CDAN1: variants seen among roughly 807,000 people sequenced by gnomAD.
CDAN1 encodes the protein codanin 1, also known as codanin-1.
In CDAN1, 107 loss-of-function variants were observed where a neutral mutation model predicts 139.8. That is an observed-to-expected ratio of 0.77 (90% CI 0.65 to 0.90). The LOEUF (loss-of-function observed/expected upper bound fraction) is 0.90, where lower values mean the gene tolerates loss of function less well. CDAN1 is among the 40% of genes least tolerant of loss of function. CDAN1 has a pLI of 0.00. For missense variants in CDAN1, 1,667 were observed against 1,575.7 expected (o/e 1.06, Z -0.98); for synonymous variants, 776 against 660.6 (o/e 1.17, Z -2.68).
intron 21 of CDAN1, 30 bp downstream of exon 21, chr15:42,728,149 GTGCACCTCCCCACAACTGCCTGGCC>G: frequency 6.3e-7 from 1 of 1,599,704 alleles, no homozygotes; most frequent in Non-Finnish European, 8.6e-7. Context: ...AGACTACTCC[GTGCACCTCCCCACAACTGCCTGGCC>G]TGCTAGCTGC....
intron 14 of CDAN1, 65 bp downstream of exon 14, chr15:42,730,533 A>G (rs1595856990): frequency 1.3e-6 from 2 of 1,572,832 alleles, no homozygotes; most frequent in East Asian, 4.5e-5. Flanking sequence ...CTTTATTAAT[A>G]GCAGGCTTGA....
Position 42,736,783 on chromosome 15 carries a change from A to T in CDAN1, c.91-3T>A. 6.5e-7 allele frequency: 1 copy of T among 1,531,134 alleles called. No individual in the cohort carries two copies. 94.8% of individuals were successfully genotyped at this position (1,531,134 alleles called of 1,614,324 possible). On this transcript the variant is annotated splice_polypyrimidine_tract_variant and splice_region_variant and intron_variant, in intron 1 of 27. Transcript: ENST00000356231. ...GCGGCCGCCTCCCCAGCGTTATCCTAGGGCAGAAGCACAGGTGGAGGGGCG... is the reference window on the plus strand; with the variant it reads ...GCGGCCGCCTCCCCAGCGTTATCCTTGGGCAGAAGCACAGGTGGAGGGGCG...
At chr15:42,726,072 G>A (rs1482630328) in intron 25 of CDAN1, 25 bp downstream of exon 25, 9 of 1,609,504 alleles carry the variant, frequency 5.6e-6, no homozygotes, top group Non-Finnish European at 7.7e-6. Flanking sequence ...AGGCAAGAGA[G>A]GGATTTGATG....
rs764763838 is a variant in CDAN1, at chr15:42,724,517, G to A, written c.3658C>T (p.Arg1220Trp). 33 of 1,573,488 alleles carry A rather than the reference G, an allele frequency of 2.1e-5. No homozygotes were observed. In the Middle Eastern group the frequency reaches 5.0e-4, roughly 24 times the overall value. Residue 1220 changes from arginine (R) to tryptophan (W), a missense_variant, in exon 28 of 28, where the codon CGG becomes TGG. Arg to Trp is a moderately radical substitution (Grantham distance 101). Transcript: ENST00000356231. ...LRACELVQPN[R>W]GTVLAQS ...TAGCTCTGGGCCAGCACAGTGCCCC[G>A]GTTTGGCTGCACCAACTCACAGGCT...
Position 42,728,805 on chromosome 15 carries a change from G to A in CDAN1, c.2651C>T (p.Thr884Ile), listed in dbSNP as rs1394795112. 1.9e-6 allele frequency: 3 copies of A among 1,614,072 alleles called. No individual in the cohort carries two copies. The highest frequency in any genetic ancestry group is 2.5e-6 in the Non-Finnish European group (3 of 1,180,024). Residue 884 changes from threonine (T) to isoleucine (I), a missense_variant, in exon 20 of 28, where the codon ACA becomes ATA. Coordinates refer to ENST00000356231, the MANE Select transcript of CDAN1 (RefSeq NM_138477.4). Reference protein sequence around the residue: ...GSNCVKHIKATLVADLVRQAE... With the variant: ...GSNCVKHIKAILVADLVRQAE... ...CTGGCGCACCAGATCTGCCACCAGT[G>A]TAGCCCTGCAGCAGGGACAGCAAGG...
Position 42,726,433 on chromosome 15 carries a change from G to A in CDAN1, c.3097-16C>T, listed in dbSNP as rs1442617459. On this transcript the variant is annotated splice_polypyrimidine_tract_variant and intron_variant, in intron 23 of 27. Transcript: ENST00000356231. Reference sequence around the variant, plus strand: ...AGAGCACGTCCTGTGAAGAGCAGGGGGAGATATCACCTTGCGCTGGGGGCC... The same window carrying A: ...AGAGCACGTCCTGTGAAGAGCAGGGAGAGATATCACCTTGCGCTGGGGGCC... 4 of 1,558,646 alleles carry A rather than the reference G, an allele frequency of 2.6e-6. No homozygotes were observed. The highest frequency in any genetic ancestry group is 3.5e-6 in the Non-Finnish European group (4 of 1,144,928).
chr15:42,728,113 G>C, intron 21 of CDAN1, 80 bp from the exon 22 acceptor site: 1 of 1,575,878 alleles, frequency 6.3e-7, no homozygotes, highest in African/African-American at 1.3e-5. Flanking sequence ...CACTGACCCC[G>C]CCCCCACACA....
At chr15:42,733,306 C>T (rs960730156) in intron 8 of CDAN1, 120 bp from the exon 9 acceptor site, 1 of 790,278 alleles carries the variant, frequency 1.3e-6, no homozygotes, top group Non-Finnish European at 2.2e-6. Flanking sequence ...TGGAGTCTTG[C>T]TCTTGTCACT....
rs1221844911 is a variant in CDAN1 at position 42,732,414 on chromosome 15, G to A, written c.1458-6C>T. The A allele has an allele frequency of 3.1e-6, 5 of 1,613,292 alleles. No homozygotes were observed. In the African/African-American group the frequency reaches 5.3e-5, roughly 17 times the overall value. Reference sequence around the variant, plus strand: ...AGAGCTGACCCATCATGGCCCTGAGGAATAGAAGGCAGGAATGAAGGGTGT... The same window carrying A: ...AGAGCTGACCCATCATGGCCCTGAGAAATAGAAGGCAGGAATGAAGGGTGT... On this transcript the variant is annotated splice_polypyrimidine_tract_variant and splice_region_variant and intron_variant, in intron 9 of 27. Coordinates refer to ENST00000356231, the MANE Select transcript of CDAN1 (RefSeq NM_138477.4).
At position 42,727,779 on chromosome 15, in the gene CDAN1, A is replaced by C; in HGVS notation, c.2948-10T>G. 6.2e-7 allele frequency: 1 copy of C among 1,605,404 alleles called. No individual in the cohort carries two copies. Among genetic ancestry groups the C allele is most frequent in the Non-Finnish European group, 8.5e-7 (1 of 1,175,026 alleles). ...TCCCTCCTGATCAGTGCTGTGGGGC[A>C]GAGGGAGAATGGGAAAGGAATCACG... On this transcript the variant is annotated splice_polypyrimidine_tract_variant and intron_variant, in intron 22 of 27. Transcript: ENST00000356231.
rs1416817910 is a variant in CDAN1, at chr15:42,724,109, G to C, written c.*382C>G. On this transcript the variant is annotated 3_prime_UTR_variant, in exon 28 of 28. Transcript: ENST00000356231. Reference sequence around the variant, plus strand: ...TTTAACTTTCTTCATAAGTTAAGCAGGAGTCATTTGCCTCTGTCATGAATT... The same window carrying C: ...TTTAACTTTCTTCATAAGTTAAGCACGAGTCATTTGCCTCTGTCATGAATT... 3.2e-6 allele frequency: 1 copy of C among 311,724 alleles called. No individual in the cohort carries two copies. The highest frequency in any genetic ancestry group is 8.3e-5 in the East Asian group (1 of 12,064). The allele number at this position is 311,724 out of a possible 1,614,324, so 19.3% of individuals were successfully genotyped here.
chr15:42,730,927 G>C lies in CDAN1; in HGVS notation c.2005C>G (p.Gln669Glu). ...ACCAGAATCCCCCGCCCATTCACCT[G>C]GCTCCTGAGGGCCAGAATGGAGTCC... ...LQDSILALRS[Q>E]VPPVLDVRTL... Residue 669 changes from glutamine to glutamate, a missense_variant and splice_region_variant, in exon 13 of 28, where the codon CAG becomes GAG. Coordinates refer to ENST00000356231, the MANE Select transcript of CDAN1 (RefSeq NM_138477.4). 6.2e-7 allele frequency: 1 copy of C among 1,614,200 alleles called. No homozygotes were observed. The highest frequency in any genetic ancestry group is 2.2e-5 in the East Asian group (1 of 44,874).
Position 42,736,486 on chromosome 15 carries a change from G to A in CDAN1, c.385C>T (p.Arg129Cys), listed in dbSNP as rs971270826. The change falls in exon 2 of 28, where the codon CGC becomes TGC. Residue 129 changes from arginine to cysteine, a missense_variant. This residue lies in a region of CDAN1 where 487 missense variants were observed against 422.2 expected (regional missense o/e 1.15). Coordinates refer to ENST00000356231, the MANE Select transcript of CDAN1 (RefSeq NM_138477.4). ...GGRRRGPGPARERGGRGLEEG... is the reference protein window; with the variant it reads ...GGRRRGPGPACERGGRGLEEG... ...TCCAGGCCGCGGCCTCCACGCTCGC[G>A]GGCCGGCCCCGGGCCCCGCCTCCTG... 1 of 1,448,172 alleles carries A rather than the reference G, an allele frequency of 6.9e-7. No homozygotes were observed. Among genetic ancestry groups the A allele is most frequent in the East Asian group, 2.8e-5 (1 of 36,050 alleles). 89.7% of individuals were successfully genotyped at this position (1,448,172 alleles called of 1,614,324 possible).
Position 42,728,662 on chromosome 15 carries a change from G to A in CDAN1, c.2794C>T (p.Leu932=), listed in dbSNP as rs755202657. The A allele has an allele frequency of 1.2e-6, 2 of 1,614,114 alleles. No individual in the cohort carries two copies. Among genetic ancestry groups the A allele is most frequent in the Non-Finnish European group, 1.7e-6 (2 of 1,180,048 alleles). Residue 932 remains leucine, a synonymous_variant, in exon 20 of 28, where the codon CTG becomes TTG. Transcript: ENST00000356231. ...ACCAGCGCTGCTTACTCCCGCCCCA[G>A]GGCCAATGCCTGGGCCCCGTGAGGG... The part of the protein sequence containing the change: ...LCPHGAQALA[L]GREFCQRKSP...
At position 42,731,828 on chromosome 15, in the gene CDAN1, AG is replaced by A; in HGVS notation, c.1534-4del. On this transcript the variant is annotated splice_region_variant and splice_polypyrimidine_tract_variant and intron_variant, in intron 10 of 27. Coordinates refer to ENST00000356231, the MANE Select transcript of CDAN1 (RefSeq NM_138477.4). ...GCACCACCAGGGCTCTGACACATCT[AG>A]GGTGGAAGAGGAAGGAGAGAAATTA... The A allele has an allele frequency of 6.2e-7, 1 of 1,613,704 alleles. No homozygotes were observed. The highest frequency in any genetic ancestry group is 8.5e-7 in the Non-Finnish European group (1 of 1,179,688).
chr15:42,735,386 CA>C lies in CDAN1; in HGVS notation c.944-13del, dbSNP rs1566988684. 1 of 1,597,450 alleles carries C rather than the reference CA, an allele frequency of 6.3e-7. No homozygotes were observed. The highest frequency in any genetic ancestry group is 1.7e-5 in the Admixed American group (1 of 57,462). On this transcript the variant is annotated splice_polypyrimidine_tract_variant and intron_variant, in intron 4 of 27. Transcript: ENST00000356231. ...TGGTACCAGGTTCTCTAGATAGATA[CA>C]AAAAGAAAGCCCATGGTATGGGCAC...
At position 42,726,489 on chromosome 15, in the gene CDAN1, G is replaced by T. The variant is rs1004460447; in HGVS notation, c.3097-72C>A. ...GCCACAGAGAATTTGGCTTGGGACA[G>T]GGATCAGCCAGTGGAGAGAGGCAGA... On this transcript the variant is annotated intron_variant, in intron 23 of 27. Coordinates refer to ENST00000356231, the MANE Select transcript of CDAN1 (RefSeq NM_138477.4). 7 of 1,245,688 alleles carry T rather than the reference G, an allele frequency of 5.6e-6. No homozygotes were observed. In the African/African-American group the frequency reaches 1.0e-4, roughly 19 times the overall value. 77.2% of individuals were successfully genotyped at this position (1,245,688 alleles called of 1,614,324 possible).
chr15:42,730,201 G>C lies in CDAN1; in HGVS notation c.2189C>G (p.Ser730Trp). The change falls in exon 15 of 28, where the codon TCG becomes TGG. Residue 730 changes from serine to tryptophan, a missense_variant. By Grantham distance (177) the Ser-to-Trp change is radical. Coordinates refer to ENST00000356231, the MANE Select transcript of CDAN1 (RefSeq NM_138477.4). Reference protein sequence around the residue: ...LLRLHRSLVLSQESEGKMCFL... With the variant: ...LLRLHRSLVLWQESEGKMCFL... ...ACACATCTTCCCCTCACTCTCCTGCGACAACACCAAGCTCCTGAAACATCA... is the reference window on the plus strand; with the variant it reads ...ACACATCTTCCCCTCACTCTCCTGCCACAACACCAAGCTCCTGAAACATCA... 1 of 1,614,056 alleles carries C rather than the reference G, an allele frequency of 6.2e-7. No individual in the cohort carries two copies. The highest frequency in any genetic ancestry group is 1.1e-5 in the South Asian group (1 of 91,068).
Position 42,735,860 on chromosome 15 carries a change from G to C in CDAN1, c.773+15C>G. The C allele has an allele frequency of 6.2e-7, 1 of 1,613,834 alleles. No individual in the cohort carries two copies. Among genetic ancestry groups the C allele is most frequent in the East Asian group, 2.2e-5 (1 of 44,870 alleles). On this transcript the variant is annotated intron_variant, in intron 3 of 27. Coordinates refer to ENST00000356231, the MANE Select transcript of CDAN1 (RefSeq NM_138477.4). ...AGCGAGGAAACCGATATCCCCAGGA[G>C]CGGCCAGGCCATACCGCTCCTTCCT...
Sources: allele counts gnomAD v4.1 joint callset, GRCh38; gene constraint gnomAD v4.1.1; regional missense constraint gnomAD v4.1.1; transcripts MANE v1.5; gene names NCBI Gene and HGNC (gene_info 2026-07-23, HGNC 2026-07-21).